The following DMD variants were observed in gnomAD, a reference collection of about 807,000 sequenced individuals.
DMD encodes the protein dystrophin, also known as mutant dystrophin.
In DMD, 63 loss-of-function variants were observed where a neutral mutation model predicts 330.1. That is an observed-to-expected ratio of 0.19 (90% CI 0.16 to 0.24). The LOEUF (loss-of-function observed/expected upper bound fraction) is 0.24, where lower values mean the gene tolerates loss of function less well. Ranked by LOEUF, DMD falls within the 10% of genes least tolerant of loss-of-function variation. The pLI is 1.00. For missense variants in DMD, 3,344 were observed against 2,684.1 expected (o/e 1.25, Z -5.43); for synonymous variants, 1,223 against 959.8 (o/e 1.27, Z -5.07).
intron 45 of DMD, among the ~76,000 whole-genome samples, chrX:31,939,748 G>C (rs941029985): frequency 1.8e-5 from 2 of 111,626 alleles, no homozygotes; most frequent in Non-Finnish European, 3.8e-5. Flanking sequence ...CTAGAATTGT[G>C]TCTAAGCCCA....
At chrX:32,400,327 A>G (rs2098077500) in intron 30 of DMD, among the ~76,000 whole-genome samples, 1 of 111,414 alleles carries the variant, frequency 9.0e-6, no homozygotes, top group Admixed American at 9.6e-5. Flanking sequence ...CATGGTGGAT[A>G]AGCTTTTTGA....
At chrX:32,864,037 C>T (rs1208387462) in intron 2 of DMD, among the ~76,000 whole-genome samples, 3 of 112,555 alleles carry the variant, frequency 2.7e-5, no homozygotes, top group Admixed American at 9.4e-5. Context: ...TAAAGGAGAA[C>T]GTCTGTCACT....
chrX:32,720,414 T>C (rs2066169489), intron 7 of DMD, among the ~76,000 whole-genome samples: 1 of 111,554 alleles, frequency 9.0e-6, no homozygotes, highest in Non-Finnish European at 1.9e-5. Context: ...ATCGTTTTTT[T>C]ACTTAGCTCA....
intron 55 of DMD, among the ~76,000 whole-genome samples, chrX:31,593,618 A>G (rs1013525086): frequency 3.6e-5 from 4 of 110,841 alleles, no homozygotes; most frequent in Non-Finnish European, 7.6e-5. Flanking sequence ...AGAATTCCCC[A>G]TGCCTCGTCA....
intron 30 of DMD, among the ~76,000 whole-genome samples, chrX:32,407,438 A>G (rs1466097894): frequency 9.0e-6 from 1 of 111,643 alleles, no homozygotes; most frequent in Non-Finnish European, 1.9e-5. Context: ...ATCTCACACC[A>G]GTTAGAATGG....
intron 64 of DMD, among the ~76,000 whole-genome samples, chrX:31,212,716 T>G (rs57667776): frequency 9.0e-6 from 1 of 111,405 alleles, no homozygotes; most frequent in Non-Finnish European, 1.9e-5. Context: ...ACCAGAGATA[T>G]GGAGACTCAC....
chrX:31,245,880 G>T (rs2147386026), intron 63 of DMD, among the ~76,000 whole-genome samples: 1 of 110,935 alleles, frequency 9.0e-6, no homozygotes, highest in East Asian at 2.8e-4. Flanking sequence ...TAAAATCAGG[G>T]TAATTAATAA....
intron 44 of DMD, among the ~76,000 whole-genome samples, chrX:32,091,911 G>C (rs1363513546): frequency 1.8e-5 from 2 of 111,509 alleles, no homozygotes; most frequent in Non-Finnish European, 3.8e-5. Context: ...AGAGCCAAAA[G>C]TGAGATCTGA....
chrX:33,120,878 C>CAAA lies in DMD; in HGVS notation c.31+90401_31+90403dup, dbSNP rs1171070469. ...CCTGGGTGACAGAGCATGACTCTCT[C>CAAA]AAAAAAAAAAAAAAAAAAAAAAAAA... On this transcript the variant is annotated intron_variant, in intron 1 of 78. Coordinates refer to ENST00000357033, the MANE Select transcript of DMD (RefSeq NM_004006.3). 4.1e-4 allele frequency among the ~76,000 whole-genome samples: 15 copies of CAAA among 36,691 alleles called. 1 individual carries two copies. Among genetic ancestry groups the CAAA allele is most frequent in the African/African-American group, 1.0e-3 (8 of 7,852 alleles). The allele number at this position is 36,691 out of a possible 115,157, so 31.9% of individuals were successfully genotyped here.
At chrX:32,036,281 T>G (rs150353664) in intron 44 of DMD, among the ~76,000 whole-genome samples, 3,499 of 111,022 alleles carry the variant, frequency 0.032, 58 homozygotes, top group Non-Finnish European at 0.05. Flanking sequence ...TAGAAATAGA[T>G]TGGAGAGGAG....
intron 37 of DMD, among the ~76,000 whole-genome samples, chrX:32,352,315 T>G (rs1364133640): frequency 9.0e-6 from 1 of 110,742 alleles, no homozygotes; most frequent in Non-Finnish European, 1.9e-5. Flanking sequence ...GTAGTGCAGC[T>G]CAATAGAAAT....
chrX:32,502,438 T>C (rs112014765), intron 18 of DMD, among the ~76,000 whole-genome samples: 2,376 of 111,764 alleles, frequency 0.021, 70 homozygotes, highest in African/African-American at 0.073. Context: ...ATTCCTTTAT[T>C]TCCCTTAAGA....
At chrX:32,884,826 AAGG>A (rs578019253) in intron 2 of DMD, among the ~76,000 whole-genome samples, 4 of 112,181 alleles carry the variant, frequency 3.6e-5, no homozygotes, top group East Asian at 2.8e-4. Context: ...CCTACCAAAC[AAGG>A]AGAAGTGTAT....
At chrX:32,344,202 G>A (rs1310779236) in intron 39 of DMD, among the ~76,000 whole-genome samples, 2 of 111,905 alleles carry the variant, frequency 1.8e-5, no homozygotes, top group African/African-American at 6.5e-5. Flanking sequence ...TCTACAGAAA[G>A]TAGCAATTAG....
intron 44 of DMD, among the ~76,000 whole-genome samples, chrX:32,161,589 T>C (rs774355017): frequency 8.9e-6 from 1 of 111,994 alleles, no homozygotes; most frequent in East Asian, 2.8e-4. Flanking sequence ...TCAATATATA[T>C]TAATTTTCCC....
chrX:32,379,407 C>G (rs1395740559), intron 34 of DMD, among the ~76,000 whole-genome samples: 1 of 110,699 alleles, frequency 9.0e-6, no homozygotes. Flanking sequence ...TGCAAAAATA[C>G]CTCAAGTAAT....
chrX:31,489,568 T>G (rs777675110), intron 57 of DMD, among the ~76,000 whole-genome samples: 5 of 112,427 alleles, frequency 4.4e-5, no homozygotes, highest in Non-Finnish European at 9.4e-5. Context: ...TTTATGGGTT[T>G]ACTATGTATT....
chrX:32,085,619 T>G (rs750335776), intron 44 of DMD, among the ~76,000 whole-genome samples: 31 of 46,991 alleles, frequency 6.6e-4, no homozygotes, highest in Non-Finnish European at 1.4e-3. Context: ...TATATATACG[T>G]ATATATATAC....
At chrX:31,701,939 C>T (rs767529632) in intron 52 of DMD, among the ~76,000 whole-genome samples, 2 of 112,883 alleles carry the variant, frequency 1.8e-5, no homozygotes, top group South Asian at 3.6e-4. Flanking sequence ...CCCTTCTAAA[C>T]CATTACGTTT....
Sources: allele counts gnomAD v4.1 joint callset (sites outside exome capture counted in the v4.1 genomes callset), GRCh38; gene constraint gnomAD v4.1.1; transcripts MANE v1.5; gene names NCBI Gene and HGNC (gene_info 2026-07-23, HGNC 2026-07-21).